The following PTPRZ1 variants were observed in gnomAD, a reference collection of about 807,000 sequenced individuals.
The protein encoded by PTPRZ1 is receptor-type tyrosine-protein phosphatase zeta.
In PTPRZ1, 82 loss-of-function variants were observed where a neutral mutation model predicts 214.1. That is an observed-to-expected ratio of 0.38 (90% confidence interval 0.32 to 0.46). The LOEUF is 0.46. PTPRZ1 is among the 20% of genes least tolerant of loss of function. PTPRZ1 has a pLI of 1.00. For synonymous variants in PTPRZ1, 945 were observed against 987.9 expected (o/e 0.96, Z 0.81); for missense variants, 2,603 against 2,748.7 (o/e 0.95, Z 1.19).
intron 28 of PTPRZ1, 143 bp from the exon 29 acceptor site, chr7:122,059,610 T>G: frequency 2.3e-6 from 2 of 887,108 alleles, no homozygotes; most frequent in East Asian, 2.5e-5. Flanking sequence ...TAGTTCTTTG[T>G]GCAAAAAGCG....
At chr7:122,002,574 T>TA (rs1344902852) in intron 10 of PTPRZ1, among the ~76,000 whole-genome samples, 8 of 152,138 alleles carry the variant, frequency 5.3e-5, no homozygotes, top group African/African-American at 1.9e-4. Context: ...AAAATAAGTC[T>TA]AATGCAATAC....
In PTPRZ1 at chr7:122,011,937, G is replaced by A. The variant is rs754524742; in HGVS notation, c.2891G>A (p.Ser964Asn). ...VGVTYQGSLF[S>N]GPSHIPIPKS... ...GTAACTTATCAGGGTTCCTTATTTAGCGGCCCTAGCCATATACCAATACCT... is the reference window on the plus strand; with the variant it reads ...GTAACTTATCAGGGTTCCTTATTTAACGGCCCTAGCCATATACCAATACCT... Residue 964 changes from serine to asparagine, a missense_variant, in exon 12 of 30, where the codon AGC (serine) becomes AAC (asparagine). Transcript: ENST00000393386. The A allele has an allele frequency of 1.5e-5, 24 of 1,614,060 alleles. No individual in the cohort carries two copies. Among genetic ancestry groups the A allele is most frequent in the Non-Finnish European group, 1.9e-5 (23 of 1,180,042 alleles).
intron 1 of PTPRZ1, among the ~76,000 whole-genome samples, chr7:121,907,902 A>G (rs528328053): frequency 1.3e-5 from 2 of 152,228 alleles, no homozygotes; most frequent in African/African-American, 4.8e-5. Flanking sequence ...CTTAGCCACC[A>G]TTTGAAGGCT....
rs2150477399 is a variant in PTPRZ1, at chr7:122,039,487, A to G, written c.5536A>G (p.Ser1846Gly). 1 of 1,614,034 alleles carries G rather than the reference A, an allele frequency of 6.2e-7. No homozygotes were observed. The stretch of plus-strand genomic sequence containing the variant: ...TGATCAGTACTGGCCTGCCGATGGG[A>G]GTGAGGAGTACGGGAACTTTCTGGT... ...KCDQYWPADG[S>G]EEYGNFLVTQ... is the part of the protein sequence containing the mutation. The change falls in exon 20 of 30, where the codon AGT becomes GGT. Residue 1846 changes from serine to glycine, a missense_variant. Transcript: ENST00000393386.
chr7:122,010,518 G>C lies in PTPRZ1; in HGVS notation c.1472G>C (p.Gly491Ala). 6.2e-7 allele frequency: 1 copy of C among 1,613,988 alleles called. No individual in the cohort carries two copies. Among genetic ancestry groups the C allele is most frequent in the Non-Finnish European group, 8.5e-7 (1 of 1,179,888 alleles). The change falls in exon 12 of 30, where the codon GGA (glycine) becomes GCA (alanine). Residue 491 changes from glycine (G) to alanine (A), a missense_variant. Transcript: ENST00000393386. ...CCAACAAGAGGAAGTGAATTCTCTGGAAAGGGTGATGTTCCCAATACATCT... is the reference window on the plus strand; with the variant it reads ...CCAACAAGAGGAAGTGAATTCTCTGCAAAGGGTGATGTTCCCAATACATCT... ...RSPTRGSEFSGKGDVPNTSLN... is the reference protein window; with the variant it reads ...RSPTRGSEFSAKGDVPNTSLN...
In PTPRZ1 at chr7:122,051,334, GGTGTGTGTGTGTGTGTCTGTATGTAT is replaced by G. The variant is rs1231342680; in HGVS notation, c.6085-79_6085-54del. The G allele has an allele frequency of 1.0e-5, 7 of 682,520 alleles. No homozygotes were observed. In the Admixed American group the frequency reaches 1.1e-4, roughly 11 times the overall value. 42.3% of individuals were successfully genotyped at this position (682,520 alleles called of 1,614,324 possible). Reference sequence around the variant, plus strand: ...TTTTAGTCAGTATCTTATCTTGATTGGTGTGTGTGTGTGTGTCTGTATGTATGTGTGTGTGTGTGTATTTGGGGGAC... The same window carrying G: ...TTTTAGTCAGTATCTTATCTTGATTGGTGTGTGTGTGTGTATTTGGGGGAC... On this transcript the variant is annotated intron_variant, in intron 23 of 29. Transcript: ENST00000393386.
chr7:121,908,785 C>A, intron 1 of PTPRZ1: 2 of 493,088 alleles, frequency 4.1e-6, no homozygotes, highest in South Asian at 3.1e-5. Context: ...TAGTGCTACT[C>A]ATCTTTCTGG....
intron 11 of PTPRZ1, 58 bp downstream of exon 11, chr7:122,004,718 G>A (rs898413990): frequency 3.4e-5 from 34 of 1,011,620 alleles, no homozygotes; most frequent in Non-Finnish European, 4.8e-5. Context: ...ATTTTGAATT[G>A]TTGCTTGGGT....
intron 2 of PTPRZ1, among the ~76,000 whole-genome samples, chr7:121,951,496 T>C (rs1796539702): frequency 6.6e-6 from 1 of 152,246 alleles, no homozygotes; most frequent in Admixed American, 6.5e-5. Flanking sequence ...AGGCATTGCA[T>C]TCACTAAACT....
At chr7:121,987,399 A>G (rs1359162627) in intron 8 of PTPRZ1, among the ~76,000 whole-genome samples, 1 of 152,042 alleles carries the variant, frequency 6.6e-6, no homozygotes, top group African/African-American at 2.4e-5. Context: ...TGGTAGAATG[A>G]TTTATTTTCT....
intron 1 of PTPRZ1, among the ~76,000 whole-genome samples, chr7:121,926,882 A>G (rs1364609672): frequency 6.6e-6 from 1 of 152,322 alleles, no homozygotes; most frequent in Non-Finnish European, 1.5e-5. Flanking sequence ...TTTACTTAAT[A>G]TATAGATTTT....
Position 121,976,817 on chromosome 7 carries a change from G to A in PTPRZ1, c.585G>A (p.Ala195=), listed in dbSNP as rs752369743. Residue 195 remains alanine (A), a synonymous_variant, in exon 6 of 30, where the codon GCG becomes GCA. Transcript: ENST00000393386. ...VGTEENLDFK[A]IIDGVESVSR... is the part of the protein sequence containing the mutation. ...CAGAAGAAAATTTGGATTTCAAAGCGATTATTGATGGAGTCGAAAGTGTTA... is the reference window on the plus strand; with the variant it reads ...CAGAAGAAAATTTGGATTTCAAAGCAATTATTGATGGAGTCGAAAGTGTTA... 7.4e-6 allele frequency: 12 copies of A among 1,610,874 alleles called. No individual in the cohort carries two copies. The highest frequency in any genetic ancestry group is 4.0e-5 in the African/African-American group (3 of 74,818).
chr7:122,044,950 G>C (rs944561424), intron 23 of PTPRZ1, among the ~76,000 whole-genome samples: 3 of 151,170 alleles, frequency 2.0e-5, no homozygotes, highest in African/African-American at 7.3e-5. Flanking sequence ...GGCTGTTCCT[G>C]ATACTCTTTG....
intron 2 of PTPRZ1, among the ~76,000 whole-genome samples, chr7:121,942,802 G>A (rs1327379821): frequency 6.6e-6 from 1 of 152,090 alleles, no homozygotes; most frequent in African/African-American, 2.4e-5. Context: ...ATATTTATTT[G>A]ATCCTAATTA....
At chr7:122,001,372 A>G (rs1798317412) in intron 10 of PTPRZ1, among the ~76,000 whole-genome samples, 1 of 152,194 alleles carries the variant, frequency 6.6e-6, no homozygotes, top group Admixed American at 6.5e-5. Context: ...GATAAAGCTA[A>G]TTAACATACA....
chr7:121,907,830 A>G (rs979112056), intron 1 of PTPRZ1, among the ~76,000 whole-genome samples: 4 of 152,090 alleles, frequency 2.6e-5, no homozygotes, highest in African/African-American at 7.2e-5. Flanking sequence ...GTGTAATTTA[A>G]TGAGATTCTG....
rs376417805 is a variant in PTPRZ1 at position 122,011,569 on chromosome 7, C to G, written c.2523C>G (p.Ile841Met). The G allele has an allele frequency of 4.3e-6, 7 of 1,613,996 alleles. No homozygotes were observed. Among genetic ancestry groups the G allele is most frequent in the Non-Finnish European group, 5.9e-6 (7 of 1,180,014 alleles). ...LFRHLHTVSQ[I>M]LPQVTSATES... ...GCCATCTGCATACAGTTTCTCAAAT[C>G]CTTCCACAAGTTACTTCAGCTACCG... Residue 841 changes from isoleucine (I) to methionine (M), a missense_variant, in exon 12 of 30, where the codon ATC becomes ATG. Physicochemically the swap from Ile to Met is conservative, Grantham distance 10 (BLOSUM62 1). Around this residue, in one of 6 missense-constraint regions of PTPRZ1, gnomAD observed 1,913 missense variants for 1,914.3 expected, o/e 1.00. Coordinates refer to ENST00000393386, the MANE Select transcript of PTPRZ1 (RefSeq NM_002851.3).
chr7:122,007,268 G>A (rs191742533), intron 11 of PTPRZ1, among the ~76,000 whole-genome samples: 3 of 152,256 alleles, frequency 2.0e-5, no homozygotes, highest in African/African-American at 7.2e-5. Context: ...ACCCATGGTG[G>A]TAGTACCCAA....
At position 122,013,867 on chromosome 7, in the gene PTPRZ1, A is replaced by C; in HGVS notation, c.4821A>C (p.Glu1607Asp). Residue 1607 changes from glutamate to aspartate, a missense_variant, in exon 12 of 30, where the codon GAA becomes GAC. Around this residue, in one of 6 missense-constraint regions of PTPRZ1, gnomAD observed 1,913 missense variants for 1,914.3 expected, o/e 1.00. Transcript: ENST00000393386. ...CATCTGTTACTAGCGAGAACTCAGA[A>C]GTGTTCCACGTTTCAGAGGCAGGTT... ...PTSSVTSENS[E>D]VFHVSEAEAS... 1 of 1,610,032 alleles carries C rather than the reference A, an allele frequency of 6.2e-7. No homozygotes were observed. Among genetic ancestry groups the C allele is most frequent in the Non-Finnish European group, 8.5e-7 (1 of 1,177,692 alleles).
Sources: gnomAD v4.1 joint callset for allele counts (sites outside exome capture counted in the v4.1 genomes callset) on GRCh38, gnomAD v4.1.1 for gene constraint, gnomAD v4.1.1 regional missense constraint, MANE v1.5 for transcripts, NCBI Gene and HGNC (gene_info 2026-07-23, HGNC 2026-07-21) for gene names.